Variants in OLFM2 observed in about 807,000 individuals in gnomAD.
OLFM2 encodes olfactomedin 2, also known as noelin-2.
OLFM2 carries 20 observed loss-of-function variants against 43.9 expected under a neutral mutation model. The ratio of observed to expected loss-of-function variants is 0.46; its 90% CI spans 0.32 to 0.66. OLFM2 has a LOEUF of 0.66. OLFM2 is among the 30% of genes least tolerant of loss of function. The pLI, the probability that OLFM2 is intolerant of heterozygous loss-of-function variation, is 0.04. For synonymous variants in OLFM2, 268 were observed against 278.6 expected, an observed-to-expected ratio of 0.96 and a Z score of 0.38; for missense variants, 416 against 643.6, an observed-to-expected ratio of 0.65 and a Z score of 3.83.
rs2046331684 is a variant in OLFM2 at position 9,857,549 on chromosome 19, C to T, written c.361-67G>A. 1.3e-6 allele frequency: 2 copies of T among 1,576,446 alleles called. No homozygotes were observed. Among genetic ancestry groups the T allele is most frequent in the African/African-American group, 1.3e-5 (1 of 74,396 alleles). On this transcript the variant is annotated intron_variant, in intron 3 of 5. Transcript: ENST00000264833. This position sits in a 1 kb window ranked among gnomAD's most constrained non-coding sequence, Gnocchi z 5.7. Reference sequence around the variant, plus strand: ...CCTTTGACCCAGACATGACTCCAACCTCTGACTCATAACTTCACCCTTTGT... The same window carrying T: ...CCTTTGACCCAGACATGACTCCAACTTCTGACTCATAACTTCACCCTTTGT...
At position 9,853,724 on chromosome 19, in the gene OLFM2, G is replaced by A. The variant is rs1007771350; in HGVS notation, c.*462C>T. 7 of 416,890 alleles carry A rather than the reference G, an allele frequency of 1.7e-5. No individual in the cohort carries two copies. In the South Asian group the frequency reaches 6.4e-4, roughly 38 times the overall value. The allele number at this position is 416,890 out of a possible 1,614,324, so 25.8% of individuals were successfully genotyped here. On this transcript the variant is annotated 3_prime_UTR_variant, in exon 6 of 6. Coordinates refer to ENST00000264833, the MANE Select transcript of OLFM2 (RefSeq NM_058164.4). ...ACACACAGTCACCGAAGCGTCAAATGTCAAAGGTCCTGTTTATTCCGGCAA... is the reference window on the plus strand; with the variant it reads ...ACACACAGTCACCGAAGCGTCAAATATCAAAGGTCCTGTTTATTCCGGCAA...
intron 1 of OLFM2, among the ~76,000 whole-genome samples, chr19:9,877,614 G>A (rs2046502842): frequency 6.6e-6 from 1 of 152,042 alleles, no homozygotes; most frequent in Admixed American, 6.6e-5. Flanking sequence ...AGTGTTGAGA[G>A]GTAGCACCTT....
chr19:9,875,488 G>A (rs1378676630), intron 1 of OLFM2, among the ~76,000 whole-genome samples: 2 of 150,648 alleles, frequency 1.3e-5, no homozygotes, highest in Admixed American at 6.7e-5. Flanking sequence ...GCAGGGGCCT[G>A]GCCGGGGATG....
Position 9,854,927 on chromosome 19 carries a change from A to G in OLFM2, c.688-64T>C. Reference sequence around the variant, plus strand: ...CCAACGACCCAAGGGTCCCAGCACCAGCTACAGCCATTAGAGTTCAACAGT... The same window carrying G: ...CCAACGACCCAAGGGTCCCAGCACCGGCTACAGCCATTAGAGTTCAACAGT... On this transcript the variant is annotated intron_variant, in intron 5 of 5. Coordinates refer to ENST00000264833, the MANE Select transcript of OLFM2 (RefSeq NM_058164.4). This position sits in a 1 kb window ranked among gnomAD's most constrained non-coding sequence, Gnocchi z 9.5. 1 of 1,284,572 alleles carries G rather than the reference A, an allele frequency of 7.8e-7. No individual in the cohort carries two copies. The highest frequency in any genetic ancestry group is 1.5e-5 in the South Asian group (1 of 66,922). The allele number at this position is 1,284,572 out of a possible 1,614,324, so 79.6% of individuals were successfully genotyped here.
At chr19:9,927,111 G>A (rs2086458238) in intron 1 of OLFM2, among the ~76,000 whole-genome samples, 1 of 151,918 alleles carries the variant, frequency 6.6e-6, no homozygotes, top group Non-Finnish European at 1.5e-5. Flanking sequence ...GTGAAATCCT[G>A]TCTCTACTAA....
Position 9,883,209 on chromosome 19 carries a change from C to CA in OLFM2, c.64-22416dup, listed in dbSNP as rs34232795. ...GGGTGACAAGAGCGAGACTCCATCTCAAAAAAAAAAAAAGGATGTGGCCAA... is the reference window on the plus strand; with the variant it reads ...GGGTGACAAGAGCGAGACTCCATCTCAAAAAAAAAAAAAAGGATGTGGCCAA... On this transcript the variant is annotated intron_variant, in intron 1 of 5. Coordinates refer to ENST00000264833, the MANE Select transcript of OLFM2 (RefSeq NM_058164.4). Among the ~76,000 whole-genome samples the CA allele has an allele frequency of 2.9e-3, 402 of 137,224 alleles. 10 individuals are homozygous for CA. Among genetic ancestry groups the CA allele is most frequent in the Middle Eastern group, 7.4e-3 (2 of 270 alleles). The allele number at this position is 137,224 out of a possible 152,430, so 90.0% of individuals were successfully genotyped here.
At chr19:9,902,275 A>G (rs1371409430) in intron 1 of OLFM2, among the ~76,000 whole-genome samples, 1 of 151,354 alleles carries the variant, frequency 6.6e-6, no homozygotes, top group Non-Finnish European at 1.5e-5. Context: ...TGATTCGCCC[A>G]CCTCAGCCTC....
intron 1 of OLFM2, among the ~76,000 whole-genome samples, chr19:9,932,466 A>G (rs1335034642): frequency 6.6e-6 from 1 of 151,780 alleles, no homozygotes; most frequent in Non-Finnish European, 1.5e-5. Context: ...AAAAAAAAAA[A>G]AAAAAGAAAG....
At chr19:9,916,372 G>A (rs1252156751) in intron 1 of OLFM2, among the ~76,000 whole-genome samples, 4 of 152,140 alleles carry the variant, frequency 2.6e-5, no homozygotes, top group Admixed American at 2.6e-4. Flanking sequence ...AGAAAAAAAA[G>A]ATGAGTTCTT....
Position 9,856,956 on chromosome 19 carries a change from AG to A in OLFM2, c.581-44del. 1.4e-6 allele frequency: 2 copies of A among 1,451,124 alleles called. No individual in the cohort carries two copies. The highest frequency in any genetic ancestry group is 1.9e-6 in the Non-Finnish European group (2 of 1,049,800). 89.9% of individuals were successfully genotyped at this position (1,451,124 alleles called of 1,614,324 possible). A position where few individuals can be genotyped will look rare whatever the true frequency, so the allele number is the denominator to read the frequency against. On this transcript the variant is annotated intron_variant, in intron 4 of 5. Transcript: ENST00000264833. This position sits in a 1 kb window ranked among gnomAD's most constrained non-coding sequence, Gnocchi z 4.0. ...GGGGAATGAGGATGGGGAAATGAAC[AG>A]CCCAAGAGAGGCCAGGCAAAGATGA...
At chr19:9,904,114 C>G (rs933051773) in intron 1 of OLFM2, among the ~76,000 whole-genome samples, 2 of 151,380 alleles carry the variant, frequency 1.3e-5, no homozygotes, top group African/African-American at 2.4e-5. Context: ...CCCTGTTAGT[C>G]TTGCCCTTAA....
chr19:9,914,600 T>C (rs1004498550), intron 1 of OLFM2, among the ~76,000 whole-genome samples: 2 of 151,302 alleles, frequency 1.3e-5, no homozygotes, highest in African/African-American at 4.9e-5. Flanking sequence ...AGGTGTCTAC[T>C]TGCAACTTTA....
chr19:9,866,723 G>A (rs1365392714), intron 1 of OLFM2, among the ~76,000 whole-genome samples: 1 of 151,800 alleles, frequency 6.6e-6, no homozygotes, highest in East Asian at 1.9e-4. Flanking sequence ...TTGAACTCCT[G>A]GGCTAAAGTG....
chr19:9,884,897 A>G (rs542028354), intron 1 of OLFM2, among the ~76,000 whole-genome samples: 22 of 152,258 alleles, frequency 1.4e-4, no homozygotes, highest in African/African-American at 5.3e-4. Flanking sequence ...TGAATGAATG[A>G]ATGCTTCCTG....
Position 9,906,106 on chromosome 19 carries a change from T to C in OLFM2, c.63+30198A>G, listed in dbSNP as rs553021848. On this transcript the variant is annotated intron_variant, in intron 1 of 5. Transcript: ENST00000264833. ...ACAGGGGCACACACACACCCAAGCATGCTTTCACGGGGACCAGGTAGGTCT... is the reference window on the plus strand; with the variant it reads ...ACAGGGGCACACACACACCCAAGCACGCTTTCACGGGGACCAGGTAGGTCT... Among the ~76,000 whole-genome samples the C allele has an allele frequency of 1.7e-4, 26 of 152,232 alleles. No homozygotes were observed. The South Asian group carries it at 5.0e-3, about 29-fold the overall frequency.
intron 1 of OLFM2, among the ~76,000 whole-genome samples, chr19:9,863,276 T>G (rs1599467329): frequency 3.3e-5 from 5 of 149,774 alleles, no homozygotes; most frequent in East Asian, 3.9e-4. Flanking sequence ...AGAAGGGAGG[T>G]GATGGGGCAA....
intron 1 of OLFM2, among the ~76,000 whole-genome samples, chr19:9,924,388 A>G (rs1457837094): frequency 7.6e-6 from 1 of 131,420 alleles, no homozygotes; most frequent in East Asian, 2.3e-4. Context: ...CCTGGGCGAC[A>G]GAGCGAGACT....
At chr19:9,916,097 C>T (rs1318337365) in intron 1 of OLFM2, among the ~76,000 whole-genome samples, 1 of 152,102 alleles carries the variant, frequency 6.6e-6, no homozygotes, top group Non-Finnish European at 1.5e-5. Flanking sequence ...TGGCTCATGC[C>T]TATAATCCCA....
At chr19:9,936,145 T>G (rs1216462804) in intron 1 of OLFM2, among the ~76,000 whole-genome samples, 159 bp downstream of exon 1, 2 of 143,650 alleles carry the variant, frequency 1.4e-5, no homozygotes, top group African/African-American at 2.6e-5. Flanking sequence ...AGCCAGAGAG[T>G]GCACGTCCCG....
Sources: allele counts gnomAD v4.1 joint callset (sites outside exome capture counted in the v4.1 genomes callset), GRCh38; gene constraint gnomAD v4.1.1; non-coding constraint Gnocchi (gnomAD v3.1); transcripts MANE v1.5; gene names NCBI Gene and HGNC (gene_info 2026-07-23, HGNC 2026-07-21).